Variants in HELLS observed in about 807,000 individuals in gnomAD.
The protein encoded by HELLS is helicase, lymphoid specific, also known as lymphoid-specific helicase.
A neutral mutation model predicts 120.0 loss-of-function variants in HELLS; 32 were observed. The ratio of observed to expected loss-of-function variants is 0.27; its 90% CI spans 0.20 to 0.36. HELLS has a LOEUF of 0.36. Among genes scored for constraint, HELLS ranks in the 10% least tolerant of loss-of-function variants. HELLS has a pLI of 1.00. For synonymous variants in HELLS, 341 were observed against 323.4 expected, an observed-to-expected ratio of 1.05 and a Z score of -0.58; for missense variants, 650 against 993.4, an observed-to-expected ratio of 0.65 and a Z score of 4.65.
chr10:94,558,288 T>A, intron 4 of HELLS, 93 bp downstream of exon 4: 1 of 1,391,112 alleles, frequency 7.2e-7, no homozygotes, highest in Non-Finnish European at 9.5e-7. Flanking sequence ...CTGTTTAATT[T>A]TAAGTTTCTT....
At chr10:94,600,938 TAA>T (rs1197837870) in intron 21 of HELLS, among the ~76,000 whole-genome samples, 2 of 151,978 alleles carry the variant, frequency 1.3e-5, no homozygotes, top group Non-Finnish European at 2.9e-5. Flanking sequence ...TGCAAGTAAA[TAA>T]AAGTTGATAA....
chr10:94,563,808 C>CTTTT (rs10623208), intron 6 of HELLS, among the ~76,000 whole-genome samples: 3 of 136,418 alleles, frequency 2.2e-5, no homozygotes, highest in African/African-American at 5.4e-5. Flanking sequence ...GTTTTCTTTT[C>CTTTT]TTTTTTTTTT....
intron 7 of HELLS, among the ~76,000 whole-genome samples, chr10:94,572,981 A>T (rs898018685): frequency 6.6e-6 from 1 of 151,234 alleles, no homozygotes; most frequent in African/African-American, 2.4e-5. Context: ...CTTTTTTGAG[A>T]TGGAGTGTCA....
rs113286453 is a variant in HELLS, at chr10:94,576,134, G to A, written c.889-528G>A. Among the ~76,000 whole-genome samples the A allele has an allele frequency of 2.6e-5, 4 of 151,208 alleles. 1 individual carries two copies. The highest frequency in any genetic ancestry group is 4.4e-5 in the Non-Finnish European group (3 of 67,756). ...TTTTATGCCTTTTTTTTTGTCTTCA[G>A]ACAGGATGTTGCTCTGTTGCTCAGG... On this transcript the variant is annotated intron_variant, in intron 9 of 21. Coordinates refer to ENST00000348459, the MANE Select transcript of HELLS (RefSeq NM_018063.5).
chr10:94,549,440 TGTATTTCCCTTTAAAAGAA>T (rs1160797694), intron 2 of HELLS, among the ~76,000 whole-genome samples: 1 of 152,228 alleles, frequency 6.6e-6, no homozygotes, highest in Non-Finnish European at 1.5e-5. Flanking sequence ...ACTTTTCACA[TGTATTTCCCTTTAAAAGAA>T]GTCATTGTTA....
At chr10:94,573,055 G>A (rs189753589) in intron 7 of HELLS, among the ~76,000 whole-genome samples, 207 of 152,154 alleles carry the variant, frequency 1.4e-3, no homozygotes, top group Middle Eastern at 6.8e-3. Context: ...TGCCTCCCAG[G>A]TTCAAGCGAT....
In HELLS at chr10:94,545,797, G is replaced by A. The variant is rs551239678; in HGVS notation, c.-125G>A. The A allele has an allele frequency of 4.6e-6, 5 of 1,092,880 alleles. No homozygotes were observed. Among genetic ancestry groups the A allele is most frequent in the Non-Finnish European group, 6.9e-6 (5 of 728,548 alleles). The allele number at this position is 1,092,880 out of a possible 1,614,324, so 67.7% of individuals were successfully genotyped here. ...GACAGGATTTTCCCGCGAAGGAGAA[G>A]CGCGCTTTTTTCCCTGGCGGGGGAT... is the stretch of plus-strand genomic sequence containing the variant. On this transcript the variant is annotated 5_prime_UTR_variant, in exon 1 of 22. Transcript: ENST00000348459.
At chr10:94,555,163 G>A (rs931987285) in intron 3 of HELLS, among the ~76,000 whole-genome samples, 5 of 151,960 alleles carry the variant, frequency 3.3e-5, no homozygotes, top group African/African-American at 1.2e-4. Flanking sequence ...CAGGCTGGGC[G>A]CAGTGGCTCA....
intron 2 of HELLS, among the ~76,000 whole-genome samples, chr10:94,553,183 A>G (rs1843067373): frequency 6.6e-6 from 1 of 152,152 alleles, no homozygotes; most frequent in Non-Finnish European, 1.5e-5. Context: ...AATTTTCCTT[A>G]TCTGTACATA....
At chr10:94,610,076 C>T (rs1299491524) in exon 10 of HELLS, 1 of 152,138 alleles carries the variant, frequency 6.6e-6, no homozygotes, top group East Asian at 1.9e-4. Context: ...TAGCTGCTTG[C>T]TAATTTGGTC....
chr10:94,588,119 T>C (rs1007850789), intron 12 of HELLS, 110 bp from the exon 13 acceptor site: 1 of 531,734 alleles, frequency 1.9e-6, no homozygotes, highest in African/African-American at 2.0e-5. Flanking sequence ...GATTTGGCAT[T>C]ATTTATATAG....
exon 10 of HELLS, chr10:94,613,723 G>C (rs1349597665): frequency 6.6e-6 from 1 of 152,076 alleles, no homozygotes; most frequent in Non-Finnish European, 1.5e-5. Context: ...ATTATTGTCA[G>C]AGAACATGAT....
intron 6 of HELLS, chr10:94,570,118 T>C (rs1177705477): frequency 6.6e-6 from 1 of 151,702 alleles, no homozygotes; most frequent in Non-Finnish European, 1.5e-5. Flanking sequence ...TCTCGGCTCA[T>C]TGAACCTCTG....
chr10:94,602,124 A>G (rs1489498470), downstream of HELLS: 2 of 152,462 alleles, frequency 1.3e-5, no homozygotes, highest in Admixed American at 1.3e-4. Context: ...TTCTTCAGGA[A>G]TAGCTTAGGT....
At chr10:94,572,629 T>C (rs1427983566) in intron 7 of HELLS, among the ~76,000 whole-genome samples, 1 of 152,216 alleles carries the variant, frequency 6.6e-6, no homozygotes, top group African/African-American at 2.4e-5. Context: ...TGAGTAAGGT[T>C]GCTATGATAA....
chr10:94,597,372 C>G (rs1410487741), intron 21 of HELLS, among the ~76,000 whole-genome samples: 1 of 152,044 alleles, frequency 6.6e-6, no homozygotes, highest in Non-Finnish European at 1.5e-5. Flanking sequence ...AAGTTCCTGT[C>G]TTAGTTAAGA....
chr10:94,570,419 T>C (rs537529176), intron 6 of HELLS: 1 of 152,292 alleles, frequency 6.6e-6, no homozygotes, highest in Admixed American at 6.5e-5. Context: ...TGAATATCTA[T>C]ACATACATAA....
At chr10:94,575,598 A>T (rs970236940) in intron 9 of HELLS, among the ~76,000 whole-genome samples, 1 of 151,478 alleles carries the variant, frequency 6.6e-6, no homozygotes. Flanking sequence ...AATTTTTTGT[A>T]TTTTGGTAGA....
chr10:94,587,043 C>T (rs1003696129), intron 12 of HELLS, among the ~76,000 whole-genome samples: 3 of 151,738 alleles, frequency 2.0e-5, no homozygotes, highest in Middle Eastern at 3.2e-3. Context: ...TTTAGTGACC[C>T]GAATATTTTA....
Sources: allele counts gnomAD v4.1 joint callset (sites outside exome capture counted in the v4.1 genomes callset), GRCh38; gene constraint gnomAD v4.1.1; transcripts MANE v1.5; gene names NCBI Gene and HGNC (gene_info 2026-07-23, HGNC 2026-07-21).